The following TTC28 variants were observed in gnomAD, a reference collection of about 807,000 sequenced individuals.
TTC28 encodes tetratricopeptide repeat protein 28.
A neutral mutation model predicts 198.0 loss-of-function variants in TTC28; 61 were observed. That is an observed-to-expected ratio of 0.31 (90% CI 0.25 to 0.38). TTC28 has a LOEUF of 0.38. Ranked by LOEUF, TTC28 falls within the 10% of genes least tolerant of loss-of-function variation. The pLI, the probability that TTC28 is intolerant of heterozygous loss-of-function variation, is 1.00. For synonymous variants in TTC28, 1,171 were observed against 1,297.8 expected (o/e 0.90, Z 2.10); for missense variants, 2,678 against 3,164.0 (o/e 0.85, Z 3.69).
intron 5 of TTC28, among the ~76,000 whole-genome samples, chr22:28,238,833 G>T (rs1013528206): frequency 6.6e-6 from 1 of 152,108 alleles, no homozygotes; most frequent in African/African-American, 2.4e-5. Context: ...CAGTGAAGAG[G>T]ACTCACATAT....
At chr22:28,101,369 GT>G in intron 8 of TTC28, 89 bp from the exon 9 acceptor site, 1 of 1,113,294 alleles carries the variant, frequency 9.0e-7, no homozygotes, top group South Asian at 1.5e-5. Flanking sequence ...TTACTTTTGT[GT>G]TTTTGTTTGT....
chr22:28,025,639 G>A (rs1297896601), intron 13 of TTC28, among the ~76,000 whole-genome samples: 1 of 152,224 alleles, frequency 6.6e-6, no homozygotes, highest in Admixed American at 6.5e-5. Context: ...AGCATTTTGG[G>A]AGGCCAAGAT....
intron 2 of TTC28, among the ~76,000 whole-genome samples, chr22:28,311,412 A>C (rs2045254225): frequency 6.6e-6 from 1 of 152,220 alleles, no homozygotes; most frequent in African/African-American, 2.4e-5. Flanking sequence ...ATATCACTGT[A>C]TGTATACAAA....
chr22:28,627,441 T>C (rs2051093954), intron 2 of TTC28, among the ~76,000 whole-genome samples: 2 of 151,562 alleles, frequency 1.3e-5, no homozygotes, highest in Non-Finnish European at 2.9e-5. Context: ...TTTTCTTTTT[T>C]TTTTTTTTTT....
At position 28,407,165 on chromosome 22, in the gene TTC28, G is replaced by C. The variant is rs1039711243; in HGVS notation, c.382-100522C>G. Among the ~76,000 whole-genome samples the C allele has an allele frequency of 3.7e-4, 56 of 152,144 alleles. 1 individual carries two copies. The highest frequency in any genetic ancestry group is 2.6e-3 in the Admixed American group (39 of 15,266). On this transcript the variant is annotated intron_variant, in intron 2 of 22. Transcript: ENST00000397906. ...TAAAAAAAGCGGGGACACAATAGTG[G>C]ACATTTATTTATTCTGACTTATTTT...
chr22:28,108,197 G>A lies in TTC28; in HGVS notation c.1648C>T (p.Arg550Cys), dbSNP rs376490616. ...CCATGTGTGGAGGCCTGTGAGGCGC[G>A]GTCATTCACTTCCATGGAGATCTGC... ...ELQISMEVND[R>C]ASQASTHGNL... Residue 550 changes from arginine (R) to cysteine (C), a missense_variant, in exon 7 of 23, where the codon CGC becomes TGC. Transcript: ENST00000397906. The A allele has an allele frequency of 3.7e-4, 567 of 1,551,608 alleles. No homozygotes were observed. Among genetic ancestry groups the A allele is most frequent in the Non-Finnish European group, 4.4e-4 (507 of 1,146,920 alleles).
intron 2 of TTC28, among the ~76,000 whole-genome samples, chr22:28,522,475 C>T (rs1040165437): frequency 6.2e-5 from 9 of 144,146 alleles, no homozygotes; most frequent in South Asian, 4.3e-4. Context: ...GCAACAAGTG[C>T]GAAACTCCGT....
chr22:28,585,486 G>A (rs2050300661), intron 2 of TTC28, among the ~76,000 whole-genome samples: 1 of 152,204 alleles, frequency 6.6e-6, no homozygotes, highest in South Asian at 2.1e-4. Context: ...AGCTCAGGCA[G>A]TAATGCAAGC....
chr22:28,278,483 T>C (rs937918900), intron 5 of TTC28, among the ~76,000 whole-genome samples: 6 of 152,244 alleles, frequency 3.9e-5, no homozygotes, highest in Non-Finnish European at 8.8e-5. Context: ...ATATAACAAA[T>C]TGAAGCAAGT....
chr22:28,591,040 CATATAT>C (rs377761638), intron 2 of TTC28, among the ~76,000 whole-genome samples: 98 of 30,696 alleles, frequency 3.2e-3, no homozygotes, highest in African/African-American at 4.9e-3. Context: ...CACACACACA[CATATAT>C]ATATATATAT....
At chr22:28,427,739 C>A (rs1475893209) in intron 2 of TTC28, among the ~76,000 whole-genome samples, 3 of 151,644 alleles carry the variant, frequency 2.0e-5, no homozygotes, top group Admixed American at 6.6e-5. Context: ...GTTAAGAAAG[C>A]AATTCCCCAA....
At chr22:28,249,253 T>A (rs760372604) in intron 5 of TTC28, among the ~76,000 whole-genome samples, 7 of 152,068 alleles carry the variant, frequency 4.6e-5, no homozygotes, top group Non-Finnish European at 4.4e-5. Flanking sequence ...AAGAACAGTA[T>A]CTGCCCCACT....
intron 2 of TTC28, among the ~76,000 whole-genome samples, chr22:28,413,770 C>G (rs1218121262): frequency 4.6e-5 from 7 of 152,028 alleles, no homozygotes; most frequent in Admixed American, 3.9e-4. Flanking sequence ...TGGTAACTTT[C>G]CACCACCAAT....
In TTC28 at chr22:27,982,170, G is replaced by C. The variant is rs1463742902; in HGVS notation, c.*51C>G. The C allele has an allele frequency of 6.9e-7, 1 of 1,447,918 alleles. No individual in the cohort carries two copies. The highest frequency in any genetic ancestry group is 2.9e-5 in the Admixed American group (1 of 34,874). 89.7% of individuals were successfully genotyped at this position (1,447,918 alleles called of 1,614,324 possible). The stretch of plus-strand genomic sequence containing the variant: ...CACTCAGGGAAGGGCTGAAGCAAAC[G>C]CCAGGCCCCCATCTGCAGGCTGCTC... On this transcript the variant is annotated 3_prime_UTR_variant, in exon 23 of 23. Transcript: ENST00000397906. The surrounding 1 kb of genome is among the most constrained non-coding windows in gnomAD (Gnocchi z 5.2).
chr22:28,678,404 T>C (rs984677529), intron 1 of TTC28, among the ~76,000 whole-genome samples: 4 of 152,088 alleles, frequency 2.6e-5, no homozygotes, highest in Non-Finnish European at 4.4e-5. Flanking sequence ...CGAACGAGTC[T>C]CGCTATGTTT....
chr22:28,306,294 G>A (rs1219616243), intron 3 of TTC28, among the ~76,000 whole-genome samples: 2 of 152,134 alleles, frequency 1.3e-5, no homozygotes, highest in Non-Finnish European at 2.9e-5. Context: ...CAAACTTCTA[G>A]GTGAGTGGCC....
chr22:28,179,522 C>T (rs974801167), intron 5 of TTC28, among the ~76,000 whole-genome samples: 4 of 152,120 alleles, frequency 2.6e-5, no homozygotes, highest in African/African-American at 9.7e-5. Context: ...GGTAAGATTG[C>T]ACATTGCTGC....
chr22:27,999,312 T>C (rs1937611963), intron 15 of TTC28, 52 bp from the exon 16 acceptor site: 1 of 1,496,262 alleles, frequency 6.7e-7, no homozygotes, highest in East Asian at 2.5e-5. Flanking sequence ...ACAGCCAGGC[T>C]GCCCGGCAGT....
intron 2 of TTC28, among the ~76,000 whole-genome samples, chr22:28,346,888 G>A (rs1200020601): frequency 1.3e-5 from 2 of 152,244 alleles, no homozygotes; most frequent in Non-Finnish European, 2.9e-5. Context: ...GGAAAAAATT[G>A]TCAAGGTACA....
Sources: gnomAD v4.1 joint callset for allele counts (sites outside exome capture counted in the v4.1 genomes callset) on GRCh38, gnomAD v4.1.1 for gene constraint, Gnocchi (gnomAD v3.1) non-coding constraint, MANE v1.5 for transcripts, NCBI Gene and HGNC (gene_info 2026-07-23, HGNC 2026-07-21) for gene names.